The following ATP2C1 variants were observed in gnomAD, a reference collection of about 807,000 sequenced individuals.
The protein encoded by ATP2C1 is ATPase secretory pathway Ca2+ transporting 1.
In ATP2C1, 31 loss-of-function variants were observed where a neutral mutation model predicts 120.5. The ratio of observed to expected loss-of-function variants is 0.26; its 90% CI spans 0.19 to 0.35. The LOEUF (loss-of-function observed/expected upper bound fraction) is 0.35, where lower values mean the gene tolerates loss of function less well. ATP2C1 is among the 10% of genes least tolerant of loss of function. The probability of loss-of-function intolerance (pLI) is 1.00; values close to 1 mark genes in which losing one functional copy is unlikely to be tolerated. For missense variants in ATP2C1, 731 were observed against 1,107.5 expected (o/e 0.66, Z 4.83); for synonymous variants, 351 against 358.7 (o/e 0.98, Z 0.24).
At chr3:130,990,357 C>T (rs1206260528) in intron 20 of ATP2C1, among the ~76,000 whole-genome samples, 1 of 145,852 alleles carries the variant, frequency 6.9e-6, no homozygotes, top group Non-Finnish European at 1.5e-5. Flanking sequence ...GGGAGGGCCT[C>T]ACTGAGAAGG....
At chr3:130,862,140 A>ATT (rs961006271) in intron 1 of ATP2C1, among the ~76,000 whole-genome samples, 2 of 138,268 alleles carry the variant, frequency 1.4e-5, no homozygotes, top group Non-Finnish European at 1.6e-5. Flanking sequence ...TGCCTGGCTA[A>ATT]TTTTTTTTTT....
intron 12 of ATP2C1, among the ~76,000 whole-genome samples, chr3:130,960,244 A>G (rs2060760351): frequency 6.6e-6 from 1 of 152,178 alleles, no homozygotes; most frequent in African/African-American, 2.4e-5. Context: ...CACAGACCAC[A>G]TCTGATACCT....
chr3:130,941,150 G>C (rs1393311184), intron 7 of ATP2C1, among the ~76,000 whole-genome samples: 1 of 151,842 alleles, frequency 6.6e-6, no homozygotes, highest in Non-Finnish European at 1.5e-5. Context: ...TCCTGACCTC[G>C]TGATCTGCCC....
intron 6 of ATP2C1, among the ~76,000 whole-genome samples, chr3:130,940,278 A>G (rs1455304831): frequency 6.6e-6 from 1 of 152,226 alleles, no homozygotes; most frequent in Non-Finnish European, 1.5e-5. Flanking sequence ...TGGTCATTAG[A>G]CACTTAACAT....
In ATP2C1 at chr3:130,894,908, A is replaced by G; in HGVS notation, c.6+133A>G. On this transcript the variant is annotated intron_variant, in intron 2 of 27. Coordinates refer to ENST00000510168, the MANE Select transcript of ATP2C1 (RefSeq NM_001378687.1). This position sits in a 1 kb window ranked among gnomAD's most constrained non-coding sequence, Gnocchi z 4.5. Reference sequence around the variant, plus strand: ...TACTGTGTATGTGAAGTGTCCAAGGATTTGCTTACTTAGGGTATCCAGCTT... The same window carrying G: ...TACTGTGTATGTGAAGTGTCCAAGGGTTTGCTTACTTAGGGTATCCAGCTT... 5.9e-6 allele frequency: 6 copies of G among 1,017,854 alleles called. No homozygotes were observed. The highest frequency in any genetic ancestry group is 9.4e-6 in the Non-Finnish European group (6 of 640,150). The allele number at this position is 1,017,854 out of a possible 1,614,324, so 63.1% of individuals were successfully genotyped here. A position where few individuals can be genotyped will look rare whatever the true frequency, so the allele number is the denominator to read the frequency against.
chr3:130,979,834 T>C (rs778274994), intron 19 of ATP2C1, among the ~76,000 whole-genome samples: 18 of 152,198 alleles, frequency 1.2e-4, no homozygotes, highest in Admixed American at 4.6e-4. Context: ...TTTTTCATCA[T>C]GTATACCTAT....
chr3:130,875,435 T>C (rs1039469090), intron 1 of ATP2C1, among the ~76,000 whole-genome samples: 3 of 152,246 alleles, frequency 2.0e-5, no homozygotes, highest in African/African-American at 7.2e-5. Context: ...GGTTCATCCA[T>C]GTTGCCATGA....
Position 130,948,290 on chromosome 3 carries a change from A to T in ATP2C1, c.532-5531A>T, listed in dbSNP as rs561565078. Among the ~76,000 whole-genome samples the T allele has an allele frequency of 9.2e-5, 14 of 151,502 alleles. 1 individual carries two copies. The highest frequency in any genetic ancestry group is 4.6e-4 in the Admixed American group (7 of 15,224). ...CTTTTGTTTATTTAGGATTTTAAAA[A>T]TTTCTCCTTCATTTTTAAAAGATAA... On this transcript the variant is annotated intron_variant, in intron 8 of 27. Transcript: ENST00000510168.
exon 1 of ATP2C1, chr3:130,850,753 C>G (rs2067650910): frequency 1.4e-6 from 1 of 726,210 alleles, no homozygotes; most frequent in East Asian, 3.2e-5. Context: ...TGAGGAATTG[C>G]TAAGTTTCTA....
chr3:130,904,894 A>G (rs1001329058), intron 2 of ATP2C1, among the ~76,000 whole-genome samples: 3 of 152,030 alleles, frequency 2.0e-5, no homozygotes, highest in Non-Finnish European at 4.4e-5. Flanking sequence ...GGCTTTGTGG[A>G]TATTTTGCCT....
At chr3:130,862,331 T>G (rs2068042309) in intron 1 of ATP2C1, among the ~76,000 whole-genome samples, 1 of 148,456 alleles carries the variant, frequency 6.7e-6, no homozygotes. Flanking sequence ...TATTTATTTA[T>G]TTATTTATTT....
chr3:130,954,113 T>G, intron 9 of ATP2C1, 137 bp downstream of exon 9: 2 of 896,994 alleles, frequency 2.2e-6, no homozygotes, highest in Non-Finnish European at 3.5e-6. Flanking sequence ...TTACATCTAT[T>G]TGTGAAACTG....
At chr3:130,867,455 G>A (rs963555392) in intron 1 of ATP2C1, among the ~76,000 whole-genome samples, 7 of 151,028 alleles carry the variant, frequency 4.6e-5, no homozygotes, top group African/African-American at 1.5e-4. Context: ...ACGCCTGACT[G>A]GTTTTCGTTT....
At chr3:131,014,144 G>C (rs781599752) in intron 26 of ATP2C1, 1 of 1,613,386 alleles carries the variant, frequency 6.2e-7, no homozygotes, top group East Asian at 2.2e-5. Flanking sequence ...ACCAACACTT[G>C]GTGTGTGCAG....
chr3:130,983,969 A>G (rs1051920718), intron 20 of ATP2C1, among the ~76,000 whole-genome samples: 9 of 152,240 alleles, frequency 5.9e-5, no homozygotes, highest in African/African-American at 1.7e-4. Flanking sequence ...TGCTCTAAAC[A>G]TTCATATACA....
intron 6 of ATP2C1, among the ~76,000 whole-genome samples, chr3:130,939,824 A>G (rs2059817970): frequency 6.6e-6 from 1 of 152,212 alleles, no homozygotes; most frequent in Admixed American, 6.5e-5. Flanking sequence ...CATTTTGACT[A>G]GTACTAGCAC....
rs570528964 is a variant in ATP2C1, at chr3:130,959,209, G to C, written c.833-66G>C. On this transcript the variant is annotated intron_variant, in intron 11 of 27. Coordinates refer to ENST00000510168, the MANE Select transcript of ATP2C1 (RefSeq NM_001378687.1). ...TCAAGGGACGTTTTAGATTCCTTCA[G>C]CTTGTTCTGTTCCTTCTAGGTGATT... 12 of 1,218,706 alleles carry C rather than the reference G, an allele frequency of 9.8e-6. No individual in the cohort carries two copies. The African/African-American group carries it at 1.6e-4, about 17-fold the overall frequency. 75.5% of individuals were successfully genotyped at this position (1,218,706 alleles called of 1,614,324 possible). A position where few individuals can be genotyped will look rare whatever the true frequency, so the allele number is the denominator to read the frequency against.
chr3:130,905,715 C>T (rs1281377398), intron 2 of ATP2C1, among the ~76,000 whole-genome samples: 1 of 152,048 alleles, frequency 6.6e-6, no homozygotes, highest in African/African-American at 2.4e-5. Flanking sequence ...CACAGTATCC[C>T]TCTCCCATTT....
intron 17 of ATP2C1, among the ~76,000 whole-genome samples, chr3:130,974,226 G>T (rs2061448731): frequency 6.6e-6 from 1 of 152,196 alleles, no homozygotes; most frequent in African/African-American, 2.4e-5. Context: ...GACAAAACTT[G>T]AACAGGAAAA....
Sources: allele counts gnomAD v4.1 joint callset (sites outside exome capture counted in the v4.1 genomes callset), GRCh38; gene constraint gnomAD v4.1.1; non-coding constraint Gnocchi (gnomAD v3.1); transcripts MANE v1.5; gene names NCBI Gene and HGNC (gene_info 2026-07-23, HGNC 2026-07-21).